CSNK1G1: variants seen among roughly 807,000 people sequenced by gnomAD.
CSNK1G1 encodes the protein casein kinase I isoform gamma-1.
In CSNK1G1, 22 loss-of-function variants were observed where a neutral mutation model predicts 59.6. The ratio of observed to expected loss-of-function variants is 0.37; its 90% CI spans 0.26 to 0.53. CSNK1G1 has a LOEUF of 0.53. CSNK1G1 is among the 20% of genes least tolerant of loss of function. The pLI is 0.89. For missense variants in CSNK1G1, 384 were observed against 519.5 expected (o/e 0.74, Z 2.54); for synonymous variants, 179 against 177.1 (o/e 1.01, Z -0.08).
At chr15:64,220,444 T>G (rs1446416724) in intron 4 of CSNK1G1, among the ~76,000 whole-genome samples, 2 of 151,434 alleles carry the variant, frequency 1.3e-5, no homozygotes, top group Non-Finnish European at 2.9e-5. Context: ...ATAACTCCAG[T>G]CTCCCTTGAC....
intron 2 of CSNK1G1, among the ~76,000 whole-genome samples, chr15:64,295,588 G>A (rs1353428043): frequency 6.6e-6 from 1 of 152,132 alleles, no homozygotes; most frequent in Non-Finnish European, 1.5e-5. Flanking sequence ...CACACACAGT[G>A]AAAGGAATTA....
intron 1 of CSNK1G1, among the ~76,000 whole-genome samples, chr15:64,335,042 T>C (rs991743146): frequency 1.3e-5 from 2 of 152,250 alleles, no homozygotes; most frequent in Non-Finnish European, 2.9e-5. Context: ...TATTGACTTA[T>C]TTTGCAAGTA....
At chr15:64,346,704 T>G (rs1289529061) in intron 1 of CSNK1G1, among the ~76,000 whole-genome samples, 1 of 151,954 alleles carries the variant, frequency 6.6e-6, no homozygotes, top group African/African-American at 2.4e-5. Flanking sequence ...GTGATCTGCC[T>G]GCCTTGGCCC....
At chr15:64,326,134 T>G (rs534635266) in intron 1 of CSNK1G1, among the ~76,000 whole-genome samples, 1 of 152,296 alleles carries the variant, frequency 6.6e-6, no homozygotes, top group Non-Finnish European at 1.5e-5. Context: ...CAAGTGATTC[T>G]TGTGCCTCAG....
intron 10 of CSNK1G1, among the ~76,000 whole-genome samples, chr15:64,193,650 G>T (rs2082002928): frequency 6.6e-6 from 1 of 152,132 alleles, no homozygotes; most frequent in Admixed American, 6.5e-5. Context: ...AAATAGGAGG[G>T]AAGTTTAAAA....
intron 11 of CSNK1G1, among the ~76,000 whole-genome samples, chr15:64,173,151 A>T (rs1354972174): frequency 6.6e-6 from 1 of 152,258 alleles, no homozygotes; most frequent in African/African-American, 2.4e-5. Flanking sequence ...GTGTAAAGCC[A>T]GCAATATTCA....
intron 1 of CSNK1G1, among the ~76,000 whole-genome samples, chr15:64,321,840 A>G (rs1486071767): frequency 6.6e-6 from 1 of 152,218 alleles, no homozygotes; most frequent in Non-Finnish European, 1.5e-5. Flanking sequence ...AGTGGAGAAG[A>G]ATGGAGGGAG....
chr15:64,238,494 TAA>T (rs1169739046), intron 4 of CSNK1G1, among the ~76,000 whole-genome samples: 48 of 56,416 alleles, frequency 8.5e-4, no homozygotes, highest in South Asian at 5.2e-3. Flanking sequence ...CCCTGTCCCT[TAA>T]AAAAAAAAAA....
intron 1 of CSNK1G1, among the ~76,000 whole-genome samples, chr15:64,344,118 G>A (rs1897821462): frequency 6.6e-6 from 1 of 152,012 alleles, no homozygotes; most frequent in South Asian, 2.1e-4. Context: ...ATTGTAAGTG[G>A]CTTCACAGTT....
At chr15:64,262,816 C>G (rs938092584) in intron 2 of CSNK1G1, among the ~76,000 whole-genome samples, 5 of 152,124 alleles carry the variant, frequency 3.3e-5, no homozygotes, top group Non-Finnish European at 7.4e-5. Flanking sequence ...CAATGGCTCA[C>G]GCCTGTAATC....
At chr15:64,354,065 G>C (rs1049711880) in intron 1 of CSNK1G1, among the ~76,000 whole-genome samples, 4 of 152,106 alleles carry the variant, frequency 2.6e-5, no homozygotes, top group African/African-American at 4.8e-5. Flanking sequence ...CAGCACTTTG[G>C]GAGACCAAGG....
At chr15:64,243,862 C>A (rs1002339614) in intron 4 of CSNK1G1, among the ~76,000 whole-genome samples, 1 of 143,406 alleles carries the variant, frequency 7.0e-6, no homozygotes, top group Non-Finnish European at 1.5e-5. Flanking sequence ...TGAGTGAGAA[C>A]CTGTTTCAAA....
At chr15:64,259,748 T>C (rs1274641383) in intron 2 of CSNK1G1, among the ~76,000 whole-genome samples, 1 of 152,174 alleles carries the variant, frequency 6.6e-6, no homozygotes, top group Non-Finnish European at 1.5e-5. Flanking sequence ...AAACCTACTT[T>C]TGGAGAATTC....
intron 1 of CSNK1G1, among the ~76,000 whole-genome samples, chr15:64,304,593 A>G (rs961754915): frequency 7.2e-5 from 11 of 152,290 alleles, no homozygotes; most frequent in Admixed American, 7.2e-4. Flanking sequence ...AATTCATGTA[A>G]AACAGTATAT....
chr15:64,268,494 C>A (rs896323089), intron 2 of CSNK1G1, among the ~76,000 whole-genome samples: 1 of 152,146 alleles, frequency 6.6e-6, no homozygotes, highest in Non-Finnish European at 1.5e-5. Flanking sequence ...CAATTCCCAG[C>A]CAGAACTACC....
chr15:64,306,037 T>G (rs1306042545), intron 1 of CSNK1G1, among the ~76,000 whole-genome samples: 1 of 152,102 alleles, frequency 6.6e-6, no homozygotes, highest in Non-Finnish European at 1.5e-5. Context: ...ATGATAAAAC[T>G]CCTACTATAT....
At chr15:64,238,518 A>AAAAAATATATATATATATAT (rs1555396879) in intron 4 of CSNK1G1, among the ~76,000 whole-genome samples, 1 of 49,246 alleles carries the variant, frequency 2.0e-5, no homozygotes, top group African/African-American at 1.2e-4. Flanking sequence ...AAAAAAAAAA[A>AAAAAATATATATATATATAT]ATATATATAT....
chr15:64,304,943 T>C lies in CSNK1G1; in HGVS notation c.-224-4220A>G, dbSNP rs535731708. ...TTCTTCATCCACCACACATTGCTTT[T>C]GGTCCTCATGCTTGCTGTTTCTTGG... On this transcript the variant is annotated intron_variant, in intron 1 of 11. Coordinates refer to ENST00000303052, the MANE Select transcript of CSNK1G1 (RefSeq NM_022048.5). Among the ~76,000 whole-genome samples, 10 of 152,342 alleles carry C rather than the reference T, an allele frequency of 6.6e-5. No homozygotes were observed. In the South Asian group the frequency reaches 2.1e-3, roughly 32 times the overall value.
At chr15:64,249,271 G>A (rs55868267) in intron 4 of CSNK1G1, among the ~76,000 whole-genome samples, 28,022 of 152,150 alleles carry the variant, frequency 0.18, 3,601 homozygotes, top group African/African-American at 0.37. Flanking sequence ...TTAGATGACT[G>A]TAAGAAAATC....
Sources: gnomAD v4.1 joint callset for allele counts (sites outside exome capture counted in the v4.1 genomes callset) on GRCh38, gnomAD v4.1.1 for gene constraint, MANE v1.5 for transcripts, NCBI Gene and HGNC (gene_info 2026-07-23, HGNC 2026-07-21) for gene names.